The following CDH4 variants were observed in gnomAD, a reference collection of about 807,000 sequenced individuals.
CDH4 encodes the protein cadherin 4.
In CDH4, 33 loss-of-function variants were observed where a neutral mutation model predicts 86.0. The observed-to-expected ratio is 0.38, with a 90% CI of 0.29 to 0.51. The LOEUF is 0.51. CDH4 is among the 20% of genes least tolerant of loss of function. The pLI is 0.86. For synonymous variants in CDH4, 555 were observed against 549.4 expected, an observed-to-expected ratio of 1.01 and a Z score of -0.14; for missense variants, 1,114 against 1,307.4, an observed-to-expected ratio of 0.85 and a Z score of 2.28.
At chr20:61,286,911 T>C (rs1283660334) in intron 2 of CDH4, among the ~76,000 whole-genome samples, 1 of 152,220 alleles carries the variant, frequency 6.6e-6, no homozygotes, top group Non-Finnish European at 1.5e-5. Flanking sequence ...AATGGGCAAG[T>C]TAACTCCAGA....
At chr20:61,771,945 G>A (rs79174823) in intron 3 of CDH4, among the ~76,000 whole-genome samples, 1,668 of 152,252 alleles carry the variant, frequency 0.011, 40 homozygotes, top group African/African-American at 0.039. Flanking sequence ...AAAAGGGACC[G>A]TCCTTTTTGA....
chr20:61,766,908 G>C (rs1024410145), intron 3 of CDH4, among the ~76,000 whole-genome samples: 4 of 152,236 alleles, frequency 2.6e-5, no homozygotes, highest in Non-Finnish European at 5.9e-5. Context: ...CTTGGTGCCA[G>C]TTTGAACCTC....
intron 2 of CDH4, among the ~76,000 whole-genome samples, chr20:61,522,008 C>G (rs2085872766): frequency 6.6e-6 from 1 of 152,190 alleles, no homozygotes; most frequent in Non-Finnish European, 1.5e-5. Context: ...ATGCATTTGC[C>G]AAGAGAGCGC....
chr20:61,450,022 G>T (rs1175270038), intron 2 of CDH4, among the ~76,000 whole-genome samples: 1 of 152,216 alleles, frequency 6.6e-6, no homozygotes, highest in Non-Finnish European at 1.5e-5. Flanking sequence ...AGCACTGCTG[G>T]CCTCTGCCCC....
chr20:61,803,284 A>AGAAGCCAG (rs1979936292), intron 4 of CDH4, among the ~76,000 whole-genome samples: 15 of 152,178 alleles, frequency 9.9e-5, no homozygotes, highest in Admixed American at 9.8e-4. Flanking sequence ...TGGCAGTTAG[A>AGAAGCCAG]GAAGCCAGGC....
rs568470671 is a variant in CDH4 at position 61,781,417 on chromosome 20, C to T, written c.576+8235C>T. Among the ~76,000 whole-genome samples, 63 of 151,830 alleles carry T rather than the reference C, an allele frequency of 4.1e-4. 1 individual carries two copies. The highest frequency in any genetic ancestry group is 1.4e-3 in the African/African-American group (59 of 41,390). On this transcript the variant is annotated intron_variant, in intron 4 of 15. Coordinates refer to ENST00000614565, the MANE Select transcript of CDH4 (RefSeq NM_001794.5). The stretch of plus-strand genomic sequence containing the variant: ...GGATAGATGGATAGATGGGGAATCA[C>T]AGCAGAAAAAAAAATTTGATACTCT...
rs3048343 is a variant in CDH4, at chr20:61,252,442, TCGGCGGCGGCGGCGG to T, written c.-61_-47del. ...GGCGATCGGAGCGGCGGCGGTGGTCTCGGCGGCGGCGGCGGCGGCGGCGGCAGGGAGCGGGCTCCC... is the reference window on the plus strand; with the variant it reads ...GGCGATCGGAGCGGCGGCGGTGGTCTCGGCGGCGGCAGGGAGCGGGCTCCC... On this transcript the variant is annotated 5_prime_UTR_variant, in exon 1 of 16. Transcript: ENST00000614565. This position sits in a 1 kb window ranked among gnomAD's most constrained non-coding sequence, Gnocchi z 4.4. 1.4e-5 allele frequency: 9 copies of T among 646,448 alleles called. No homozygotes were observed. Among genetic ancestry groups the T allele is most frequent in the Middle Eastern group, 7.2e-4 (1 of 1,386 alleles). The allele number at this position is 646,448 out of a possible 1,614,324, so 40.0% of individuals were successfully genotyped here.
chr20:61,479,637 A>C (rs1337242605), intron 2 of CDH4, among the ~76,000 whole-genome samples: 3 of 152,188 alleles, frequency 2.0e-5, no homozygotes, highest in Admixed American at 2.0e-4. Flanking sequence ...AAAGCTGATC[A>C]CTGGTTTTAA....
intron 2 of CDH4, among the ~76,000 whole-genome samples, chr20:61,298,538 C>T (rs553995795): frequency 6.6e-6 from 1 of 152,100 alleles, no homozygotes; most frequent in Non-Finnish European, 1.5e-5. Context: ...CAACCACACA[C>T]CCCGTCTGCA....
chr20:61,817,334 A>G (rs1417412132), intron 4 of CDH4, among the ~76,000 whole-genome samples: 1 of 151,892 alleles, frequency 6.6e-6, no homozygotes, highest in East Asian at 2.0e-4. Context: ...GTGCCTTGCT[A>G]CGCTGCCGCC....
intron 4 of CDH4, among the ~76,000 whole-genome samples, chr20:61,822,922 G>A (rs368989912): frequency 7.9e-5 from 12 of 152,294 alleles, no homozygotes; most frequent in African/African-American, 1.7e-4. Context: ...CCCAACTGCC[G>A]TCACCTCCAG....
intron 4 of CDH4, 114 bp from the exon 5 acceptor site, chr20:61,844,554 A>G: frequency 2.1e-6 from 2 of 960,396 alleles, no homozygotes; most frequent in South Asian, 3.6e-5. Flanking sequence ...TCCCCATTGT[A>G]CCTGAAAATG....
At chr20:61,842,491 G>A (rs1019812656) in intron 4 of CDH4, among the ~76,000 whole-genome samples, 3 of 152,234 alleles carry the variant, frequency 2.0e-5, no homozygotes, top group Non-Finnish European at 4.4e-5. Context: ...GGAATTTCCT[G>A]AAGTCATACG....
In CDH4 at chr20:61,777,959, G is replaced by A. The variant is rs188215891; in HGVS notation, c.576+4777G>A. Among the ~76,000 whole-genome samples the A allele has an allele frequency of 5.2e-3, 786 of 150,334 alleles. 10 individuals carry two copies. The highest frequency in any genetic ancestry group is 0.032 in the South Asian group (150 of 4,716). On this transcript the variant is annotated intron_variant, in intron 4 of 15. Coordinates refer to ENST00000614565, the MANE Select transcript of CDH4 (RefSeq NM_001794.5). The stretch of plus-strand genomic sequence containing the variant: ...GCATACTATACACACATGCACACAC[G>A]TGCATACTATACACACATCCACATG...
intron 2 of CDH4, among the ~76,000 whole-genome samples, chr20:61,288,615 G>A (rs1423335610): frequency 5.3e-5 from 8 of 152,206 alleles, no homozygotes; most frequent in Admixed American, 3.9e-4. Context: ...CCAGAGCTGC[G>A]GTTACCACGG....
intron 2 of CDH4, among the ~76,000 whole-genome samples, chr20:61,449,929 T>C (rs559409467): frequency 6.6e-6 from 1 of 152,362 alleles, no homozygotes; most frequent in South Asian, 2.1e-4. Context: ...TATCATCAGA[T>C]GGGTAAAAGG....
At chr20:61,289,397 C>G (rs1422241537) in intron 2 of CDH4, among the ~76,000 whole-genome samples, 2 of 152,252 alleles carry the variant, frequency 1.3e-5, no homozygotes, top group Non-Finnish European at 2.9e-5. Flanking sequence ...GAAGCCCTCT[C>G]TTCTCTGGGG....
rs1242422055 is a variant in CDH4 at position 61,269,838 on chromosome 20, G to A, written c.169+14901G>A. ...TGTCAGATAGCAACTCCATGTTCCCGACGCATGACCGGACCTCCAGAGCCA... is the reference window on the plus strand; with the variant it reads ...TGTCAGATAGCAACTCCATGTTCCCAACGCATGACCGGACCTCCAGAGCCA... On this transcript the variant is annotated intron_variant, in intron 2 of 15. Coordinates refer to ENST00000614565, the MANE Select transcript of CDH4 (RefSeq NM_001794.5). The surrounding 1 kb of genome is among the most constrained non-coding windows in gnomAD (Gnocchi z 5.3). 6.6e-6 allele frequency among the ~76,000 whole-genome samples: 1 copy of A among 152,038 alleles called. No homozygotes were observed. Among genetic ancestry groups the A allele is most frequent in the African/African-American group, 2.4e-5 (1 of 41,378 alleles).
intron 2 of CDH4, among the ~76,000 whole-genome samples, chr20:61,724,176 G>A (rs1452988993): frequency 1.3e-5 from 2 of 151,500 alleles, no homozygotes; most frequent in Non-Finnish European, 2.9e-5. Context: ...GGCTCCATGC[G>A]GCAGGCGGGG....
Sources: allele counts gnomAD v4.1 joint callset (sites outside exome capture counted in the v4.1 genomes callset), GRCh38; gene constraint gnomAD v4.1.1; non-coding constraint Gnocchi (gnomAD v3.1); transcripts MANE v1.5; gene names NCBI Gene and HGNC (gene_info 2026-07-23, HGNC 2026-07-21).